The following DIAPH3 variants were observed in gnomAD, a reference collection of about 807,000 sequenced individuals.
The protein encoded by DIAPH3 is diaphanous related formin 3.
A neutral mutation model predicts 144.3 loss-of-function variants in DIAPH3; 117 were observed. That is an observed-to-expected ratio of 0.81 (90% CI 0.70 to 0.95). The LOEUF (loss-of-function observed/expected upper bound fraction) is 0.95, where lower values mean the gene tolerates loss of function less well. Among genes scored for constraint, DIAPH3 ranks in the 40% least tolerant of loss-of-function variants. DIAPH3 has a pLI of 0.00. For missense variants in DIAPH3, 1,421 were observed against 1,412.7 expected, an observed-to-expected ratio of 1.01 and a Z score of -0.09; for synonymous variants, 519 against 488.9, an observed-to-expected ratio of 1.06 and a Z score of -0.81.
At chr13:59,742,104 A>G (rs1284532120) in intron 27 of DIAPH3, among the ~76,000 whole-genome samples, 2 of 152,138 alleles carry the variant, frequency 1.3e-5, no homozygotes, top group Admixed American at 1.3e-4. Flanking sequence ...ACTCCCATTT[A>G]TAAAACCATC....
chr13:60,157,453 T>C (rs1254401122), intron 1 of DIAPH3, among the ~76,000 whole-genome samples: 1 of 152,248 alleles, frequency 6.6e-6, no homozygotes, highest in Non-Finnish European at 1.5e-5. Context: ...GGTCTTTTTA[T>C]AGTTTCTGTT....
intron 25 of DIAPH3, among the ~76,000 whole-genome samples, chr13:59,806,933 A>G (rs2040227535): frequency 6.6e-6 from 1 of 151,836 alleles, no homozygotes; most frequent in Non-Finnish European, 1.5e-5. Flanking sequence ...TTCAGTAATT[A>G]AGTGCTAAAT....
At chr13:59,812,155 T>C (rs959370690) in intron 24 of DIAPH3, among the ~76,000 whole-genome samples, 6 of 152,124 alleles carry the variant, frequency 3.9e-5, no homozygotes, top group Admixed American at 1.3e-4. Context: ...AAGTTCTTCA[T>C]TAAAAATCAA....
At chr13:59,731,595 C>T (rs1411247246) in intron 27 of DIAPH3, among the ~76,000 whole-genome samples, 1 of 152,050 alleles carries the variant, frequency 6.6e-6, no homozygotes, top group Non-Finnish European at 1.5e-5. Flanking sequence ...GCCTTCTCAC[C>T]GTAAAGGCAG....
intron 20 of DIAPH3, among the ~76,000 whole-genome samples, chr13:59,897,784 G>A (rs1177647719): frequency 6.6e-5 from 10 of 151,350 alleles, no homozygotes; most frequent in Non-Finnish European, 1.0e-4. Context: ...AAAAAAGAAA[G>A]TGGGTGCTGA....
At chr13:59,959,914 G>A (rs920428790) in intron 17 of DIAPH3, among the ~76,000 whole-genome samples, 1 of 152,136 alleles carries the variant, frequency 6.6e-6, no homozygotes, top group Non-Finnish European at 1.5e-5. Flanking sequence ...AAATTGAAGG[G>A]AAAACTAGGA....
intron 27 of DIAPH3, among the ~76,000 whole-genome samples, chr13:59,713,564 C>G (rs2034866721): frequency 6.6e-6 from 1 of 152,108 alleles, no homozygotes; most frequent in South Asian, 2.1e-4. Flanking sequence ...TGGATAAGAT[C>G]TGTTTTAGGA....
chr13:60,008,606 T>C lies in DIAPH3; in HGVS notation c.952A>G (p.Lys318Glu), dbSNP rs2053042541. The change falls in exon 9 of 28, where the codon AAA becomes GAA. Residue 318 changes from lysine to glutamate, a missense_variant. Coordinates refer to ENST00000400324, the MANE Select transcript of DIAPH3 (RefSeq NM_001042517.2). The part of the protein sequence containing the change: ...LEALTSAGEE[K>E]KIDRFFCIVE... ...ATACAAAAAAATCTGTCAATTTTTT[T>C]TTCTTCACCAGCTGAAGTTAAAGCT... The C allele has an allele frequency of 6.2e-7, 1 of 1,613,874 alleles. No individual in the cohort carries two copies. The highest frequency in any genetic ancestry group is 2.2e-5 in the East Asian group (1 of 44,838).
intron 22 of DIAPH3, among the ~76,000 whole-genome samples, chr13:59,854,702 G>T (rs1486888627): frequency 6.6e-6 from 1 of 152,090 alleles, no homozygotes; most frequent in Non-Finnish European, 1.5e-5. Flanking sequence ...TAAAACCTTG[G>T]TCATCACTGG....
chr13:59,755,722 A>C (rs971755666), intron 27 of DIAPH3, among the ~76,000 whole-genome samples: 4 of 152,168 alleles, frequency 2.6e-5, no homozygotes, highest in Non-Finnish European at 5.9e-5. Flanking sequence ...CCCAGACCCC[A>C]TCTTAGACCA....
chr13:59,666,635 A>G lies in DIAPH3; in HGVS notation c.3531T>C (p.Asn1177=), dbSNP rs768351591. 2 of 1,613,994 alleles carry G rather than the reference A, an allele frequency of 1.2e-6. No individual in the cohort carries two copies. The highest frequency in any genetic ancestry group is 2.2e-5 in the East Asian group (1 of 44,882). Residue 1177 remains asparagine (N), a synonymous_variant, in exon 28 of 28, where the codon AAT becomes AAC. Coordinates refer to ENST00000400324, the MANE Select transcript of DIAPH3 (RefSeq NM_001042517.2). ...GGGCTTCAACTTCGGGAACTGATTCATTTTTAGAAAAAGAGCCAAGAAGTT... is the reference window on the plus strand; with the variant it reads ...GGGCTTCAACTTCGGGAACTGATTCGTTTTTAGAAAAAGAGCCAAGAAGTT... ...ETELLGSFSK[N]ESVPEVEALL...
At chr13:60,035,477 T>C (rs2055144275) in intron 5 of DIAPH3, among the ~76,000 whole-genome samples, 1 of 152,220 alleles carries the variant, frequency 6.6e-6, no homozygotes, top group African/African-American at 2.4e-5. Flanking sequence ...GAGAAAGTAA[T>C]GGCTTGTCCT....
chr13:59,970,054 C>G lies in DIAPH3; in HGVS notation c.1964G>C (p.Arg655Thr). 1.9e-6 allele frequency: 3 copies of G among 1,576,902 alleles called. No homozygotes were observed. The highest frequency in any genetic ancestry group is 1.7e-6 in the Non-Finnish European group (2 of 1,151,098). Residue 655 changes from arginine (R) to threonine (T), a missense_variant, in exon 17 of 28, where the codon AGA becomes ACA. Arg to Thr is a moderately conservative substitution (Grantham distance 71). Coordinates refer to ENST00000400324, the MANE Select transcript of DIAPH3 (RefSeq NM_001042517.2). ...ACAGTTTTCAGTCATTTCATGAGGTCTGATCTACAATCAGAGAGAAGACTG... is the reference window on the plus strand; with the variant it reads ...ACAGTTTTCAGTCATTTCATGAGGTGTGATCTACAATCAGAGAGAAGACTG... ...SMRRLNWLKI[R>T]PHEMTENCFW...
At chr13:59,898,362 AT>A (rs2046250566) in intron 20 of DIAPH3, among the ~76,000 whole-genome samples, 1 of 152,092 alleles carries the variant, frequency 6.6e-6, no homozygotes. Flanking sequence ...TCATAACTAG[AT>A]GTGGTAAATT....
At chr13:60,055,145 A>C (rs751710333) in intron 4 of DIAPH3, among the ~76,000 whole-genome samples, 8 of 151,676 alleles carry the variant, frequency 5.3e-5, no homozygotes, top group Non-Finnish European at 7.4e-5. Flanking sequence ...TATTTTACCC[A>C]AAAAAAAGAT....
chr13:60,063,881 A>G (rs757950743), intron 4 of DIAPH3, among the ~76,000 whole-genome samples: 2 of 152,010 alleles, frequency 1.3e-5, no homozygotes, highest in Non-Finnish European at 2.9e-5. Context: ...GTGAGCCAAG[A>G]TCGCACCATT....
chr13:59,876,006 C>T (rs1324377856), intron 21 of DIAPH3, among the ~76,000 whole-genome samples: 1 of 152,078 alleles, frequency 6.6e-6, no homozygotes, highest in Non-Finnish European at 1.5e-5. Context: ...ATGAATTTTT[C>T]ATACTTGAGT....
At chr13:59,909,519 A>G (rs944596630) in intron 20 of DIAPH3, among the ~76,000 whole-genome samples, 4 of 152,170 alleles carry the variant, frequency 2.6e-5, no homozygotes, top group Non-Finnish European at 5.9e-5. Context: ...ATAAAATAAA[A>G]ATATTTCATT....
At chr13:60,158,664 C>A (rs1011937490) in intron 1 of DIAPH3, among the ~76,000 whole-genome samples, 5 of 152,096 alleles carry the variant, frequency 3.3e-5, no homozygotes, top group African/African-American at 1.2e-4. Context: ...CCACATTCCA[C>A]AATCTGGACT....
Sources: allele counts gnomAD v4.1 joint callset (sites outside exome capture counted in the v4.1 genomes callset), GRCh38; gene constraint gnomAD v4.1.1; transcripts MANE v1.5; gene names NCBI Gene and HGNC (gene_info 2026-07-23, HGNC 2026-07-21).